SYT14: variants seen among roughly 807,000 people sequenced by gnomAD.
SYT14 encodes synaptotagmin-14.
Under a neutral mutation model 74.2 loss-of-function variants are expected in SYT14, and 32 were observed. That is an observed-to-expected ratio of 0.43 (90% CI 0.33 to 0.58). SYT14 has a LOEUF of 0.58. Ranked by LOEUF, SYT14 falls within the 20% of genes least tolerant of loss-of-function variation. The pLI is 0.05. For synonymous variants in SYT14, 298 were observed against 337.7 expected (o/e 0.88, Z 1.29); for missense variants, 791 against 981.8 (o/e 0.81, Z 2.60).
In SYT14 at chr1:210,032,032, C is replaced by T. The variant is rs141778543; in HGVS notation, c.1312+10778C>T. Among the ~76,000 whole-genome samples the T allele has an allele frequency of 5.1e-4, 77 of 152,130 alleles. 1 individual carries two copies. The highest frequency in any genetic ancestry group is 1.8e-3 in the African/African-American group (76 of 41,550). On this transcript the variant is annotated intron_variant, in intron 5 of 9. Transcript: ENST00000637265. ...AGAATGACTATGCCCGGAAGTAGAA[C>T]AGGAAAGTAATACCTGGTGGAGCAT...
intron 2 of SYT14, among the ~76,000 whole-genome samples, chr1:210,002,140 A>AT (rs1215018355): frequency 2.0e-5 from 3 of 152,088 alleles, no homozygotes; most frequent in Non-Finnish European, 4.4e-5. Context: ...AGAACTATAC[A>AT]TTTTTTTAGT....
chr1:210,066,983 C>A lies in SYT14; in HGVS notation c.1313-27339C>A, dbSNP rs189626308. Among the ~76,000 whole-genome samples the A allele has an allele frequency of 7.9e-5, 12 of 152,028 alleles. No individual in the cohort carries two copies. In the East Asian group the frequency reaches 2.3e-3, roughly 29 times the overall value. ...TAGGTATTTAATTTTGAGTTAATTT[C>A]TATATATAGTATAAGATAAGGGTCT... On this transcript the variant is annotated intron_variant, in intron 5 of 9. Coordinates refer to ENST00000637265, the Ensembl canonical transcript of SYT14.
intron 7 of SYT14, among the ~76,000 whole-genome samples, chr1:210,147,723 G>A (rs1239787526): frequency 6.6e-6 from 1 of 152,182 alleles, no homozygotes; most frequent in Non-Finnish European, 1.5e-5. Context: ...GTGAGAAAGA[G>A]ATAAGTACTG....
chr1:210,089,219 C>A (rs909935893), intron 5 of SYT14, among the ~76,000 whole-genome samples: 1 of 152,148 alleles, frequency 6.6e-6, no homozygotes, highest in Non-Finnish European at 1.5e-5. Flanking sequence ...TCATCCTTTT[C>A]TATGGCTGCA....
At chr1:210,134,690 C>T (rs78239849) in intron 7 of SYT14, among the ~76,000 whole-genome samples, 2,243 of 152,226 alleles carry the variant, frequency 0.015, 71 homozygotes, top group African/African-American at 0.052. Flanking sequence ...GCTTTTCCTC[C>T]TCCTCCATTT....
intron 5 of SYT14, among the ~76,000 whole-genome samples, chr1:210,042,300 T>C (rs905288894): frequency 3.9e-5 from 6 of 152,204 alleles, no homozygotes; most frequent in Non-Finnish European, 7.4e-5. Flanking sequence ...ACTTTAACCA[T>C]ACAGAGAAGG....
chr1:210,058,484 A>C (rs967181368), intron 5 of SYT14, among the ~76,000 whole-genome samples: 7 of 152,198 alleles, frequency 4.6e-5, no homozygotes, highest in African/African-American at 1.7e-4. Context: ...AGGGCTAATC[A>C]GGCAACCAGC....
intron 7 of SYT14, among the ~76,000 whole-genome samples, chr1:210,109,588 AAAGAG>A (rs1558194917): frequency 6.6e-6 from 1 of 151,416 alleles, no homozygotes; most frequent in African/African-American, 2.4e-5. Context: ...AAAAAAAAAA[AAAGAG>A]AGAAAAAACA....
At chr1:209,949,729 G>A (rs568718677) in intron 1 of SYT14, among the ~76,000 whole-genome samples, 2 of 152,086 alleles carry the variant, frequency 1.3e-5, no homozygotes, top group East Asian at 3.9e-4. Flanking sequence ...ATTTTCATAA[G>A]AATAGTGATT....
At chr1:210,034,347 C>T (rs2080608911) in intron 5 of SYT14, among the ~76,000 whole-genome samples, 1 of 151,504 alleles carries the variant, frequency 6.6e-6, no homozygotes, top group African/African-American at 2.4e-5. Context: ...CTGTTACACC[C>T]AAGTAAATCT....
At chr1:210,037,889 T>C (rs2080703940) in intron 5 of SYT14, among the ~76,000 whole-genome samples, 1 of 152,124 alleles carries the variant, frequency 6.6e-6, no homozygotes, top group Non-Finnish European at 1.5e-5. Flanking sequence ...TTCCATGCAC[T>C]GATGAGAAGA....
chr1:210,068,904 C>T (rs1182585249), intron 5 of SYT14, among the ~76,000 whole-genome samples: 5 of 151,682 alleles, frequency 3.3e-5, no homozygotes, highest in Admixed American at 2.6e-4. Context: ...TGGTTTCTAA[C>T]ATGTGGATTT....
At chr1:210,095,712 T>G (rs1167382626) in intron 6 of SYT14, among the ~76,000 whole-genome samples, 1 of 152,242 alleles carries the variant, frequency 6.6e-6, no homozygotes. Context: ...AATTAAGCTA[T>G]GGATAGAATT....
chr1:209,995,190 A>G (rs2079766062), intron 2 of SYT14, among the ~76,000 whole-genome samples: 1 of 152,180 alleles, frequency 6.6e-6, no homozygotes, highest in Admixed American at 6.5e-5. Flanking sequence ...TAAAAGACAC[A>G]GAGTGGCAAG....
intron 2 of SYT14, among the ~76,000 whole-genome samples, chr1:209,954,602 A>G (rs145302630): frequency 1.3e-5 from 2 of 152,304 alleles, no homozygotes; most frequent in African/African-American, 4.8e-5. Context: ...CTAGACTTCC[A>G]TAGAGTAGAT....
At chr1:209,953,996 G>A (rs1171875871) in intron 2 of SYT14, among the ~76,000 whole-genome samples, 1 of 152,150 alleles carries the variant, frequency 6.6e-6, no homozygotes, top group Non-Finnish European at 1.5e-5. Flanking sequence ...GTTTTCTGCT[G>A]TATACATAAA....
intron 2 of SYT14, among the ~76,000 whole-genome samples, chr1:209,998,968 T>C (rs1414694812): frequency 6.6e-6 from 1 of 152,118 alleles, no homozygotes; most frequent in Non-Finnish European, 1.5e-5. Flanking sequence ...AAAAAGCTTC[T>C]GCACAGCAAA....
At chr1:210,089,904 C>T (rs960825179) in intron 5 of SYT14, among the ~76,000 whole-genome samples, 7 of 152,228 alleles carry the variant, frequency 4.6e-5, no homozygotes, top group South Asian at 2.1e-4. Context: ...CCCAAGAGCA[C>T]TGGCTACAGA....
chr1:210,070,698 G>A (rs1035022379), intron 5 of SYT14, among the ~76,000 whole-genome samples: 2 of 152,056 alleles, frequency 1.3e-5, no homozygotes, highest in African/African-American at 4.8e-5. Context: ...TACACTTGGA[G>A]TTTTAAGTGG....
Sources: allele counts gnomAD v4.1 joint callset (sites outside exome capture counted in the v4.1 genomes callset), GRCh38; gene constraint gnomAD v4.1.1; transcripts MANE v1.5; gene names NCBI Gene and HGNC (gene_info 2026-07-23, HGNC 2026-07-21).